LDLRAD3: variants seen among roughly 807,000 people sequenced by gnomAD.
The protein encoded by LDLRAD3 is low-density lipoprotein receptor class A domain-containing protein 3.
A neutral mutation model predicts 29.4 loss-of-function variants in LDLRAD3; 20 were observed. The observed-to-expected ratio is 0.68, with a 90% CI of 0.48 to 0.99. The LOEUF (loss-of-function observed/expected upper bound fraction) is 0.99. Ranked by LOEUF, LDLRAD3 falls within the 50% of genes least tolerant of loss-of-function variation. LDLRAD3 has a pLI of 0.00. For missense variants in LDLRAD3, 420 were observed against 454.3 expected (o/e 0.92, Z 0.69); for synonymous variants, 157 against 192.7 (o/e 0.81, Z 1.53).
At chr11:36,075,654 C>T (rs1320263881) in intron 2 of LDLRAD3, among the ~76,000 whole-genome samples, 1 of 152,196 alleles carries the variant, frequency 6.6e-6, no homozygotes, top group African/African-American at 2.4e-5. Flanking sequence ...ATAGTGTCTG[C>T]TTCGTGGTGA....
At chr11:36,170,656 T>C (rs1854585656) in intron 4 of LDLRAD3, among the ~76,000 whole-genome samples, 1 of 152,222 alleles carries the variant, frequency 6.6e-6, no homozygotes, top group African/African-American at 2.4e-5. Flanking sequence ...ACCACATTCA[T>C]GCCAACATTT....
chr11:36,119,185 A>G (rs967764624), intron 4 of LDLRAD3, among the ~76,000 whole-genome samples: 12 of 152,188 alleles, frequency 7.9e-5, no homozygotes, highest in African/African-American at 2.9e-4. Context: ...CTCACATTCA[A>G]AGAACACTCT....
chr11:36,002,547 G>A lies in LDLRAD3; in HGVS notation c.47-33556G>A, dbSNP rs115627311. ...ATACCCTCAGCTAACATCATCTCCC[G>A]GTGCTTTTTCTAACTCTGGCTTATC... On this transcript the variant is annotated intron_variant, in intron 1 of 5. Coordinates refer to ENST00000315571, the MANE Select transcript of LDLRAD3 (RefSeq NM_174902.4). Among the ~76,000 whole-genome samples, 454 of 152,220 alleles carry A rather than the reference G, an allele frequency of 3.0e-3. 3 individuals carry two copies. The highest frequency in any genetic ancestry group is 0.01 in the African/African-American group (427 of 41,520).
chr11:36,076,565 T>G (rs986012088), intron 2 of LDLRAD3, among the ~76,000 whole-genome samples: 2 of 152,168 alleles, frequency 1.3e-5, no homozygotes, highest in African/African-American at 2.4e-5. Flanking sequence ...TTTTTGTATA[T>G]GTAGTAGAGA....
chr11:35,990,070 A>T (rs1463804050), intron 1 of LDLRAD3, among the ~76,000 whole-genome samples: 2 of 152,038 alleles, frequency 1.3e-5, no homozygotes, highest in African/African-American at 4.8e-5. Flanking sequence ...TTTGTTCTCT[A>T]TGTGATTTTG....
intron 4 of LDLRAD3, among the ~76,000 whole-genome samples, chr11:36,130,211 C>T (rs1485276427): frequency 6.6e-6 from 1 of 152,016 alleles, no homozygotes; most frequent in Non-Finnish European, 1.5e-5. Context: ...GGTGGGCTTC[C>T]CTGAGGAAGG....
At chr11:36,198,840 T>C (rs899306621) in intron 4 of LDLRAD3, among the ~76,000 whole-genome samples, 1 of 152,238 alleles carries the variant, frequency 6.6e-6, no homozygotes, top group African/African-American at 2.4e-5. Flanking sequence ...TTATCTGGAA[T>C]GAAAGCCTCT....
chr11:36,226,457 G>A (rs144587910), intron 4 of LDLRAD3, among the ~76,000 whole-genome samples: 16 of 152,298 alleles, frequency 1.1e-4, no homozygotes, highest in South Asian at 2.1e-4. Flanking sequence ...ACTAAAGAAC[G>A]GATTTCTGCT....
At chr11:36,185,516 G>C (rs933933027) in intron 4 of LDLRAD3, among the ~76,000 whole-genome samples, 1 of 152,158 alleles carries the variant, frequency 6.6e-6, no homozygotes, top group Non-Finnish European at 1.5e-5. Context: ...GCACAAGATG[G>C]CTTGTGTTCA....
chr11:36,049,622 A>G (rs1852500540), intron 2 of LDLRAD3, among the ~76,000 whole-genome samples: 1 of 152,216 alleles, frequency 6.6e-6, no homozygotes, highest in South Asian at 2.1e-4. Context: ...GGAGTCACAT[A>G]AAATGTAGGG....
At chr11:36,033,234 C>T (rs903846468) in intron 1 of LDLRAD3, among the ~76,000 whole-genome samples, 1 of 152,190 alleles carries the variant, frequency 6.6e-6, no homozygotes, top group South Asian at 2.1e-4. Context: ...GCACCAGCTG[C>T]ATGCCTAATG....
chr11:35,967,258 A>G (rs116786857), intron 1 of LDLRAD3: 199 of 201,354 alleles, frequency 9.9e-4, no homozygotes, highest in African/African-American at 4.3e-3. Flanking sequence ...GCCAGGGCCA[A>G]TTTCTGACCA....
intron 1 of LDLRAD3, among the ~76,000 whole-genome samples, chr11:36,013,860 T>G (rs747998711): frequency 6.6e-6 from 1 of 152,172 alleles, no homozygotes; most frequent in Non-Finnish European, 1.5e-5. Flanking sequence ...CTGCCTCCCA[T>G]CCACCAGTTT....
intron 4 of LDLRAD3, among the ~76,000 whole-genome samples, chr11:36,143,341 G>A (rs1188784436): frequency 3.9e-5 from 6 of 152,210 alleles, no homozygotes; most frequent in African/African-American, 1.4e-4. Context: ...CTTTCCCGTG[G>A]TGGCCTTGAA....
At chr11:36,090,526 T>C (rs141839822) in intron 3 of LDLRAD3, among the ~76,000 whole-genome samples, 1 of 152,268 alleles carries the variant, frequency 6.6e-6, no homozygotes, top group African/African-American at 2.4e-5. Context: ...ACTGGACTTG[T>C]TCCCCGGAAA....
chr11:36,062,758 G>A (rs1417511411), intron 2 of LDLRAD3, among the ~76,000 whole-genome samples: 2 of 152,138 alleles, frequency 1.3e-5, no homozygotes, highest in African/African-American at 4.8e-5. Flanking sequence ...GAAGAAGCAC[G>A]TGTTTGCTTA....
chr11:36,189,717 T>A (rs1048464360), intron 4 of LDLRAD3, among the ~76,000 whole-genome samples: 5 of 152,110 alleles, frequency 3.3e-5, no homozygotes, highest in African/African-American at 4.8e-5. Context: ...TCCTAATGCT[T>A]TCCCTCCCCC....
intron 4 of LDLRAD3, among the ~76,000 whole-genome samples, chr11:36,142,523 C>G (rs954544532): frequency 6.6e-6 from 1 of 152,186 alleles, no homozygotes; most frequent in Non-Finnish European, 1.5e-5. Flanking sequence ...GCCCTTTAGT[C>G]TGAGTGGAAG....
intron 4 of LDLRAD3, among the ~76,000 whole-genome samples, chr11:36,221,958 C>G (rs1321371182): frequency 6.6e-6 from 1 of 152,124 alleles, no homozygotes; most frequent in East Asian, 1.9e-4. Context: ...AAAATAGGTA[C>G]AAGATTGTAC....
Sources: allele counts gnomAD v4.1 joint callset (sites outside exome capture counted in the v4.1 genomes callset), GRCh38; gene constraint gnomAD v4.1.1; transcripts MANE v1.5; gene names NCBI Gene and HGNC (gene_info 2026-07-23, HGNC 2026-07-21).